PDE4B: variants seen among roughly 807,000 people sequenced by gnomAD.
PDE4B encodes the protein phosphodiesterase 4B.
In PDE4B, 20 loss-of-function variants were observed where a neutral mutation model predicts 82.2. The observed-to-expected ratio is 0.24, with a 90% CI of 0.17 to 0.35. The LOEUF is 0.35. Ranked by LOEUF, PDE4B falls within the 10% of genes least tolerant of loss-of-function variation. The pLI is 1.00. For synonymous variants in PDE4B, 320 were observed against 318.9 expected (o/e 1.00, Z -0.04); for missense variants, 655 against 907.2 (o/e 0.72, Z 3.57).
chr1:66,096,777 T>G (rs2101008769), intron 3 of PDE4B, among the ~76,000 whole-genome samples: 1 of 151,786 alleles, frequency 6.6e-6, no homozygotes, highest in East Asian at 1.9e-4. Flanking sequence ...TCCTTGCCAC[T>G]TTCTAAACAA....
chr1:66,270,022 T>C (rs1655350191), intron 7 of PDE4B, among the ~76,000 whole-genome samples: 1 of 152,178 alleles, frequency 6.6e-6, no homozygotes, highest in Non-Finnish European at 1.5e-5. Flanking sequence ...TCAGATGTTA[T>C]GAAAAACACC....
intron 3 of PDE4B, among the ~76,000 whole-genome samples, chr1:66,065,410 TTTAGAATAAC>T (rs1655793153): frequency 6.6e-6 from 1 of 151,950 alleles, no homozygotes; most frequent in Admixed American, 6.6e-5. Context: ...TGTATTTCAA[TTTAGAATAAC>T]TTATGGTTGG....
intron 3 of PDE4B, among the ~76,000 whole-genome samples, chr1:65,952,534 T>G (rs1649056992): frequency 6.6e-6 from 1 of 151,840 alleles, no homozygotes; most frequent in Non-Finnish European, 1.5e-5. Context: ...AATACAAAAA[T>G]TAGCCAGGCA....
intron 3 of PDE4B, among the ~76,000 whole-genome samples, chr1:66,003,248 A>G (rs116764396): frequency 3.5e-3 from 534 of 152,212 alleles, no homozygotes; most frequent in Middle Eastern, 0.01. Context: ...GAACCAAGCT[A>G]AATTATACTA....
intron 3 of PDE4B, among the ~76,000 whole-genome samples, chr1:66,014,298 A>C (rs191140112): frequency 1.4e-3 from 217 of 152,260 alleles, no homozygotes; most frequent in African/African-American, 4.8e-3. Flanking sequence ...ATTTTTATGT[A>C]GCCTAATTTA....
chr1:66,145,422 G>C (rs1388083786), intron 3 of PDE4B, among the ~76,000 whole-genome samples: 1 of 152,166 alleles, frequency 6.6e-6, no homozygotes, highest in East Asian at 1.9e-4. Flanking sequence ...AGTGGGCAAG[G>C]CTACTATTTC....
At chr1:65,932,089 C>G (rs1399171056) in intron 3 of PDE4B, among the ~76,000 whole-genome samples, 3 of 152,016 alleles carry the variant, frequency 2.0e-5, no homozygotes, top group African/African-American at 2.4e-5. Flanking sequence ...TGGGAGCTTC[C>G]CAAAGGACTT....
Position 66,262,393 on chromosome 1 carries a change from TA to T in PDE4B, c.585-3644del, listed in dbSNP as rs537785759. 2.8e-3 allele frequency among the ~76,000 whole-genome samples: 426 copies of T among 152,362 alleles called. 3 individuals carry two copies. The highest frequency in any genetic ancestry group is 9.8e-3 in the African/African-American group (406 of 41,584). ...GAGGTTCCGTGAATTGCCCAAGGGCTATACAGTGGGAAGGTGCCAGAGCCAG... is the reference window on the plus strand; with the variant it reads ...GAGGTTCCGTGAATTGCCCAAGGGCTTACAGTGGGAAGGTGCCAGAGCCAG... On this transcript the variant is annotated intron_variant, in intron 6 of 16. Coordinates refer to ENST00000341517, the MANE Select transcript of PDE4B (RefSeq NM_002600.4).
At chr1:66,123,375 AC>A (rs1557578139) in intron 3 of PDE4B, among the ~76,000 whole-genome samples, 1 of 152,158 alleles carries the variant, frequency 6.6e-6, no homozygotes, top group Non-Finnish European at 1.5e-5. Flanking sequence ...TTTCTAAGAC[AC>A]TTACTTTCAT....
At chr1:65,911,798 A>G (rs1647095173) in intron 1 of PDE4B, among the ~76,000 whole-genome samples, 1 of 152,122 alleles carries the variant, frequency 6.6e-6, no homozygotes, top group African/African-American at 2.4e-5. Context: ...ATAAAGGCAA[A>G]GTTTCTCCCT....
intron 3 of PDE4B, among the ~76,000 whole-genome samples, chr1:65,998,326 A>G (rs1479557448): frequency 1.3e-5 from 2 of 152,036 alleles, no homozygotes; most frequent in Non-Finnish European, 2.9e-5. Context: ...TGGGAAAGCT[A>G]GGAAGTAAGA....
Position 66,250,597 on chromosome 1 carries a change from G to C in PDE4B, c.476+2943G>C, listed in dbSNP as rs531543770. On this transcript the variant is annotated intron_variant, in intron 4 of 16. Coordinates refer to ENST00000341517, the MANE Select transcript of PDE4B (RefSeq NM_002600.4). ...GTGAAGTAAAGCAAGATCACCATTG[G>C]GTCCCAAAAGGCAATTTCAGATGCT... 6.6e-4 allele frequency among the ~76,000 whole-genome samples: 100 copies of C among 152,236 alleles called. 2 individuals are homozygous for C. In the South Asian group the frequency reaches 0.02, roughly 31 times the overall value.
intron 3 of PDE4B, among the ~76,000 whole-genome samples, chr1:66,082,413 C>T (rs1387397610): frequency 6.6e-6 from 1 of 152,060 alleles, no homozygotes; most frequent in Admixed American, 6.6e-5. Flanking sequence ...TCCATTACTT[C>T]TGTTTCTCTT....
chr1:65,821,928 A>G (rs1370452802), intron 1 of PDE4B, among the ~76,000 whole-genome samples: 1 of 152,256 alleles, frequency 6.6e-6, no homozygotes. Context: ...TAGCAAAACA[A>G]CTGTTTAGCT....
intron 3 of PDE4B, among the ~76,000 whole-genome samples, chr1:65,926,820 T>A (rs1436170789): frequency 6.6e-6 from 1 of 151,920 alleles, no homozygotes; most frequent in African/African-American, 2.4e-5. Context: ...GCATATCATA[T>A]TCAAACTTCA....
intron 3 of PDE4B, among the ~76,000 whole-genome samples, chr1:66,105,715 G>C (rs1281435199): frequency 6.6e-6 from 1 of 152,118 alleles, no homozygotes; most frequent in Non-Finnish European, 1.5e-5. Context: ...GTGAATGGGA[G>C]TTCACTCATG....
chr1:66,366,903 T>C (rs964960536), intron 13 of PDE4B, among the ~76,000 whole-genome samples: 5 of 152,222 alleles, frequency 3.3e-5, no homozygotes, highest in Non-Finnish European at 7.3e-5. Flanking sequence ...GATATATGTG[T>C]AACAGAACCT....
intron 1 of PDE4B, among the ~76,000 whole-genome samples, chr1:65,853,524 A>C (rs894789185): frequency 6.7e-6 from 1 of 148,200 alleles, no homozygotes; most frequent in Admixed American, 6.8e-5. Flanking sequence ...CTTATGCATT[A>C]TAACCCTTTT....
chr1:66,140,381 C>T (rs929966371), intron 3 of PDE4B, among the ~76,000 whole-genome samples: 2 of 152,140 alleles, frequency 1.3e-5, no homozygotes, highest in African/African-American at 4.8e-5. Flanking sequence ...GCAACTTTTA[C>T]AACTACAAAT....
Sources: gnomAD v4.1 joint callset for allele counts (sites outside exome capture counted in the v4.1 genomes callset) on GRCh38, gnomAD v4.1.1 for gene constraint, MANE v1.5 for transcripts, NCBI Gene and HGNC (gene_info 2026-07-23, HGNC 2026-07-21) for gene names.